ADD3: variants seen among roughly 807,000 people sequenced by gnomAD.
ADD3 encodes the protein adducin 3, also known as gamma-adducin.
ADD3 carries 25 observed loss-of-function variants against 80.2 expected under a neutral mutation model. That is an observed-to-expected ratio of 0.31 (90% CI 0.23 to 0.44). The LOEUF is 0.44. Ranked by LOEUF, ADD3 falls within the 20% of genes least tolerant of loss-of-function variation. The pLI, the probability that ADD3 is intolerant of heterozygous loss-of-function variation, is 1.00. For synonymous variants in ADD3, 284 were observed against 289.6 expected, an observed-to-expected ratio of 0.98 and a Z score of 0.20; for missense variants, 829 against 847.5, an observed-to-expected ratio of 0.98 and a Z score of 0.27.
upstream of ADD3, among the ~76,000 whole-genome samples, chr10:110,004,457 A>G (rs1000985503): frequency 6.6e-6 from 1 of 152,090 alleles, no homozygotes; most frequent in Non-Finnish European, 1.5e-5. Flanking sequence ...TGGCAGGCAG[A>G]GATTGCAGTG....
chr10:110,128,873 T>A (rs1166834647), intron 12 of ADD3, among the ~76,000 whole-genome samples: 1 of 152,206 alleles, frequency 6.6e-6, no homozygotes, highest in African/African-American at 2.4e-5. Flanking sequence ...GTTCCGTATG[T>A]CTGTTTATAT....
intron 1 of ADD3, among the ~76,000 whole-genome samples, chr10:110,047,747 GA>G (rs1308587392): frequency 6.6e-6 from 1 of 152,132 alleles, no homozygotes; most frequent in African/African-American, 2.4e-5. Flanking sequence ...AAGCACAAAT[GA>G]AAGAAATGTA....
At chr10:110,062,200 TAAAAAAAAAAAAAAAAAAAAAAAA>T (rs57540485) in intron 1 of ADD3, among the ~76,000 whole-genome samples, 4 of 35,200 alleles carry the variant, frequency 1.1e-4, no homozygotes, top group African/African-American at 4.1e-4. Flanking sequence ...CTGTCTCTAC[TAAAAAAAAAAAAAAAAAAAAAAAA>T]AAAAAAAAAA....
intron 1 of ADD3, among the ~76,000 whole-genome samples, chr10:110,090,150 A>G (rs1031179665): frequency 6.7e-5 from 10 of 150,320 alleles, no homozygotes; most frequent in Admixed American, 3.3e-4. Context: ...GCATTGTCCA[A>G]CTCTGTCTTT....
chr10:110,034,388 A>G (rs1855402361), intron 1 of ADD3, among the ~76,000 whole-genome samples: 2 of 151,922 alleles, frequency 1.3e-5, no homozygotes, highest in East Asian at 1.9e-4. Context: ...GTTTCAAAAA[A>G]TTACATTTTT....
intron 14 of ADD3, 112 bp from the exon 15 acceptor site, chr10:110,133,214 A>G: frequency 9.4e-7 from 1 of 1,062,202 alleles, no homozygotes; most frequent in Non-Finnish European, 1.3e-6. Context: ...ATCTGTCTTC[A>G]TTGGAATCAA....
chr10:110,033,813 C>T (rs147694546), intron 1 of ADD3, among the ~76,000 whole-genome samples: 6 of 152,194 alleles, frequency 3.9e-5, no homozygotes, highest in East Asian at 3.9e-4. Flanking sequence ...TCTCTGGGAC[C>T]GTAATTTGCT....
chr10:110,086,775 A>G (rs1846822412), intron 1 of ADD3, among the ~76,000 whole-genome samples: 1 of 152,150 alleles, frequency 6.6e-6, no homozygotes, highest in South Asian at 2.1e-4. Context: ...AAACCTCTTT[A>G]TAGATTACTT....
At chr10:110,026,596 C>G (rs1854340439) in intron 1 of ADD3, among the ~76,000 whole-genome samples, 1 of 152,014 alleles carries the variant, frequency 6.6e-6, no homozygotes, top group South Asian at 2.1e-4. Context: ...ACTTTTAAGT[C>G]AGTTTTAATA....
At chr10:110,130,606 A>G in intron 13 of ADD3, 120 bp downstream of exon 13, 2 of 1,120,510 alleles carry the variant, frequency 1.8e-6, no homozygotes. Flanking sequence ...CTGTAATCCC[A>G]GCACTTTGGG....
At chr10:110,088,801 A>AT (rs1368916293) in intron 1 of ADD3, among the ~76,000 whole-genome samples, 1 of 151,974 alleles carries the variant, frequency 6.6e-6, no homozygotes, top group Non-Finnish European at 1.5e-5. Flanking sequence ...ACTTTGTCTC[A>AT]TTTTTTTGTG....
intron 1 of ADD3, among the ~76,000 whole-genome samples, chr10:110,073,865 T>C (rs1183509037): frequency 6.6e-6 from 1 of 152,148 alleles, no homozygotes; most frequent in African/African-American, 2.4e-5. Context: ...AGCAGCCACC[T>C]TCCCACCCCC....
chr10:110,038,914 G>A (rs926534240), intron 1 of ADD3, among the ~76,000 whole-genome samples: 4 of 152,088 alleles, frequency 2.6e-5, no homozygotes, highest in African/African-American at 9.7e-5. Flanking sequence ...AGTAAATTAT[G>A]GGCTATAATA....
chr10:110,106,300 G>A (rs192047643), intron 2 of ADD3, among the ~76,000 whole-genome samples: 183 of 151,478 alleles, frequency 1.2e-3, no homozygotes, highest in Non-Finnish European at 1.7e-3. Flanking sequence ...GAGCCAACAT[G>A]GAGTTTTTTT....
intron 1 of ADD3, among the ~76,000 whole-genome samples, chr10:110,025,111 C>G (rs1357233107): frequency 6.6e-6 from 1 of 151,698 alleles, no homozygotes; most frequent in African/African-American, 2.4e-5. Flanking sequence ...GGCCAGGCTG[C>G]TCTTAAACTC....
chr10:110,106,215 T>C (rs1849380345), intron 2 of ADD3, among the ~76,000 whole-genome samples: 1 of 151,980 alleles, frequency 6.6e-6, no homozygotes, highest in Non-Finnish European at 1.5e-5. Flanking sequence ...ATGTGGATAT[T>C]TAAAATTCAT....
chr10:110,084,699 A>G (rs1472696169), intron 1 of ADD3, among the ~76,000 whole-genome samples: 1 of 152,202 alleles, frequency 6.6e-6, no homozygotes, highest in Non-Finnish European at 1.5e-5. Context: ...AATTCTAAGG[A>G]TAGTATTCCT....
At chr10:110,070,604 A>G (rs573762899) in intron 1 of ADD3, among the ~76,000 whole-genome samples, 11 of 152,316 alleles carry the variant, frequency 7.2e-5, no homozygotes, top group Non-Finnish European at 1.2e-4. Flanking sequence ...AAATACATTT[A>G]CAGACTAGTT....
intron 1 of ADD3, among the ~76,000 whole-genome samples, chr10:110,046,464 C>G (rs947660922): frequency 6.6e-6 from 1 of 151,610 alleles, no homozygotes; most frequent in African/African-American, 2.4e-5. Context: ...TGCCCCTAAC[C>G]TCCCATGTTG....
Sources: gnomAD v4.1 joint callset for allele counts (sites outside exome capture counted in the v4.1 genomes callset) on GRCh38, gnomAD v4.1.1 for gene constraint, MANE v1.5 for transcripts, NCBI Gene and HGNC (gene_info 2026-07-23, HGNC 2026-07-21) for gene names.